Variants in AIG1 observed in about 807,000 individuals in gnomAD.
AIG1 encodes the protein androgen induced 1.
Under a neutral mutation model 31.4 loss-of-function variants are expected in AIG1, and 23 were observed. That is an observed-to-expected ratio of 0.73 (90% CI 0.53 to 1.04). AIG1 has a LOEUF of 1.04. Among genes scored for constraint, AIG1 ranks in the 50% least tolerant of loss-of-function variants. AIG1 has a pLI of 0.00. For missense variants in AIG1, 274 were observed against 295.0 expected (o/e 0.93, Z 0.52); for synonymous variants, 100 against 110.5 (o/e 0.90, Z 0.60).
chr6:143,206,609 G>A (rs9403464), intron 3 of AIG1, among the ~76,000 whole-genome samples: 8,394 of 152,186 alleles, frequency 0.055, 722 homozygotes, highest in African/African-American at 0.18. Context: ...TGGATTTAAA[G>A]TACAGAAAGT....
chr6:143,066,739 C>G (rs1776748100), intron 1 of AIG1, among the ~76,000 whole-genome samples: 1 of 152,042 alleles, frequency 6.6e-6, no homozygotes, highest in South Asian at 2.1e-4. Flanking sequence ...TTCAGGGCAA[C>G]TAAGGTGAAA....
At chr6:143,137,090 A>T in intron 2 of AIG1, 100 bp downstream of exon 2, 1 of 1,248,290 alleles carries the variant, frequency 8.0e-7, no homozygotes, top group Non-Finnish European at 1.0e-6. Flanking sequence ...AGGTTTCTGT[A>T]TTATTAGTTT....
At chr6:143,270,041 C>CA (rs1367651347) in intron 3 of AIG1, among the ~76,000 whole-genome samples, 5 of 152,100 alleles carry the variant, frequency 3.3e-5, no homozygotes, top group Non-Finnish European at 5.9e-5. Flanking sequence ...ACACTGGATA[C>CA]AAAAAATGTG....
chr6:143,064,568 A>G (rs1333734634), intron 1 of AIG1, among the ~76,000 whole-genome samples: 3 of 152,274 alleles, frequency 2.0e-5, no homozygotes, highest in African/African-American at 7.2e-5. Flanking sequence ...TGGTTACCAC[A>G]GTAATAGAAA....
chr6:143,134,436 A>G (rs1783549361), intron 1 of AIG1, among the ~76,000 whole-genome samples: 1 of 149,492 alleles, frequency 6.7e-6, no homozygotes, highest in South Asian at 2.1e-4. Flanking sequence ...TGTTGTGAAA[A>G]TAAAATGTTT....
intron 4 of AIG1, among the ~76,000 whole-genome samples, chr6:143,324,671 A>G (rs1776463502): frequency 1.3e-5 from 2 of 152,200 alleles, no homozygotes; most frequent in South Asian, 4.1e-4. Context: ...CTGCTCATAT[A>G]AAGCCTTTAG....
intron 1 of AIG1, among the ~76,000 whole-genome samples, chr6:143,101,698 G>A (rs1475529476): frequency 2.0e-5 from 3 of 151,918 alleles, no homozygotes; most frequent in Non-Finnish European, 4.4e-5. Flanking sequence ...CTAGAAATTG[G>A]GTTCAGTATA....
At chr6:143,100,387 G>A (rs1316979281) in intron 1 of AIG1, among the ~76,000 whole-genome samples, 2 of 152,136 alleles carry the variant, frequency 1.3e-5, no homozygotes, top group Non-Finnish European at 2.9e-5. Flanking sequence ...TTGTCTTAAT[G>A]TGTTTTGGAT....
In AIG1 at chr6:143,333,446, G is replaced by A. The variant is rs774294847; in HGVS notation, c.679+1G>A. The A allele has an allele frequency of 1.2e-6, 2 of 1,612,760 alleles. No homozygotes were observed. Among genetic ancestry groups the A allele is most frequent in the Admixed American group, 3.3e-5 (2 of 59,718 alleles). On this transcript the variant is annotated splice_donor_variant, in intron 5 of 5. Coordinates refer to ENST00000357847, the MANE Select transcript of AIG1 (RefSeq NM_016108.4). LOFTEE classifies it high-confidence loss of function. This position sits in a 1 kb window ranked among gnomAD's most constrained non-coding sequence, Gnocchi z 4.6. ...AACTATATCTGGGATACACAGAAAA[G>A]TAAGTATTGTCTGAGGGAACATAAA... is the stretch of plus-strand genomic sequence containing the variant.
At chr6:143,150,998 A>G (rs897281454) in intron 2 of AIG1, among the ~76,000 whole-genome samples, 2 of 152,166 alleles carry the variant, frequency 1.3e-5, no homozygotes, top group East Asian at 1.9e-4. Context: ...GCCAAGAAAA[A>G]ACGCTCTGAA....
chr6:143,320,852 G>A (rs971426465), intron 4 of AIG1, among the ~76,000 whole-genome samples: 17 of 141,348 alleles, frequency 1.2e-4, no homozygotes, highest in Admixed American at 2.2e-4. Context: ...AAGGAGTTTC[G>A]CTCTTGTTGC....
At chr6:143,248,102 G>T (rs1794743886) in intron 3 of AIG1, among the ~76,000 whole-genome samples, 1 of 152,144 alleles carries the variant, frequency 6.6e-6, no homozygotes, top group African/African-American at 2.4e-5. Context: ...TATGACTATT[G>T]AGAGTCAATG....
At chr6:143,143,321 C>T (rs1226657729) in intron 2 of AIG1, among the ~76,000 whole-genome samples, 2 of 148,914 alleles carry the variant, frequency 1.3e-5, no homozygotes, top group African/African-American at 4.9e-5. Context: ...ACAGTGAAAC[C>T]CCATCTCTAC....
At chr6:143,303,953 A>G (rs9496571) in intron 4 of AIG1, among the ~76,000 whole-genome samples, 39,628 of 134,830 alleles carry the variant, frequency 0.29, 8,377 homozygotes, top group African/African-American at 0.58. Flanking sequence ...TCCCTTGTAA[A>G]TTGGATTCCT....
chr6:143,278,705 G>A (rs1443433682), intron 3 of AIG1, among the ~76,000 whole-genome samples: 1 of 151,856 alleles, frequency 6.6e-6, no homozygotes, highest in Admixed American at 6.6e-5. Flanking sequence ...CTGACCTCAG[G>A]TGATCCGCCC....
intron 1 of AIG1, among the ~76,000 whole-genome samples, chr6:143,130,068 C>G (rs1783074402): frequency 6.6e-6 from 1 of 151,282 alleles, no homozygotes; most frequent in South Asian, 2.1e-4. Context: ...GTAGCTGGGA[C>G]CACAGGTGTG....
chr6:143,173,039 A>AT (rs533086072), intron 3 of AIG1, among the ~76,000 whole-genome samples: 28 of 146,380 alleles, frequency 1.9e-4, no homozygotes, highest in Admixed American at 4.8e-4. Context: ...TATCTTTTGT[A>AT]TTTTTTTTTT....
intron 1 of AIG1, among the ~76,000 whole-genome samples, chr6:143,078,990 G>A (rs950105530): frequency 4.6e-5 from 7 of 152,126 alleles, no homozygotes; most frequent in Non-Finnish European, 1.0e-4. Context: ...TATGGTTTCT[G>A]CAGCCAGAAA....
Position 143,329,902 on chromosome 6 carries a change from G to A in AIG1, c.516-3380G>A, listed in dbSNP as rs192343933. The stretch of plus-strand genomic sequence containing the variant: ...ATGGCGGAGTTGAGTAGGTGTGATC[G>A]AGACCATATGGGAATATTTACTATC... On this transcript the variant is annotated intron_variant, in intron 4 of 5. Coordinates refer to ENST00000357847, the MANE Select transcript of AIG1 (RefSeq NM_016108.4). The surrounding 1 kb of genome is among the most constrained non-coding windows in gnomAD (Gnocchi z 4.9). 3.1e-4 allele frequency among the ~76,000 whole-genome samples: 47 copies of A among 152,210 alleles called. No homozygotes were observed. The highest frequency in any genetic ancestry group is 2.0e-3 in the Admixed American group (30 of 15,286).
Sources: allele counts gnomAD v4.1 joint callset (sites outside exome capture counted in the v4.1 genomes callset), GRCh38; gene constraint gnomAD v4.1.1; non-coding constraint Gnocchi (gnomAD v3.1); transcripts MANE v1.5; gene names NCBI Gene and HGNC (gene_info 2026-07-23, HGNC 2026-07-21).